ELAPOR1: variants seen among roughly 807,000 people sequenced by gnomAD.
ELAPOR1 encodes endosome/lysosome-associated apoptosis and autophagy regulator 1.
A neutral mutation model predicts 119.7 loss-of-function variants in ELAPOR1; 77 were observed. That is an observed-to-expected ratio of 0.64 (90% CI 0.54 to 0.78). ELAPOR1 has a LOEUF of 0.78. ELAPOR1 is among the 30% of genes least tolerant of loss of function. The pLI, the probability that ELAPOR1 is intolerant of heterozygous loss-of-function variation, is 0.00. For missense variants in ELAPOR1, 1,115 were observed against 1,270.4 expected (o/e 0.88, Z 1.86); for synonymous variants, 481 against 487.2 (o/e 0.99, Z 0.17).
At chr1:109,181,600 G>A (rs1197669298) in intron 7 of ELAPOR1, among the ~76,000 whole-genome samples, 1 of 152,192 alleles carries the variant, frequency 6.6e-6, no homozygotes, top group Non-Finnish European at 1.5e-5. Context: ...AGGTCTTGGT[G>A]TAGAATGCAT....
At chr1:109,163,584 T>C (rs770301072) in intron 2 of ELAPOR1, among the ~76,000 whole-genome samples, 9 of 151,436 alleles carry the variant, frequency 5.9e-5, no homozygotes, top group Non-Finnish European at 1.2e-4. Flanking sequence ...TTTTTGGTAG[T>C]GACAGGGTCT....
intron 8 of ELAPOR1, chr1:109,187,399 C>T: frequency 1.0e-6 from 1 of 986,410 alleles, no homozygotes; most frequent in South Asian, 4.7e-5. Flanking sequence ...GTCTGTGTCC[C>T]TCCTTAAGGA....
At chr1:109,163,095 G>A (rs1651362644) in intron 2 of ELAPOR1, among the ~76,000 whole-genome samples, 2 of 152,254 alleles carry the variant, frequency 1.3e-5, no homozygotes, top group Admixed American at 6.5e-5. Context: ...GAGAAAGAAT[G>A]AGAGTTACGA....
At chr1:109,172,109 G>GGGAA in intron 4 of ELAPOR1, 96 bp downstream of exon 4, 1 of 1,430,354 alleles carries the variant, frequency 7.0e-7, no homozygotes, top group Middle Eastern at 1.8e-4. Context: ...CCCTGCTTGG[G>GGGAA]GGAATCACTG....
chr1:109,203,177 C>G lies in ELAPOR1; in HGVS notation c.*165C>G, dbSNP rs549099704. ...TCTTTTTTTATAGAGTACCCAAACC[C>G]TCCTTTCTGCTTGCCTCAAACCTGC... On this transcript the variant is annotated 3_prime_UTR_variant, in exon 22 of 22. Coordinates refer to ENST00000369939, the MANE Select transcript of ELAPOR1 (RefSeq NM_020775.5). 215 of 568,102 alleles carry G rather than the reference C, an allele frequency of 3.8e-4. No homozygotes were observed. The highest frequency in any genetic ancestry group is 6.0e-4 in the Non-Finnish European group (192 of 319,178). 35.2% of individuals were successfully genotyped at this position (568,102 alleles called of 1,614,324 possible). A position where few individuals can be genotyped will look rare whatever the true frequency, so the allele number is the denominator to read the frequency against.
At position 109,171,962 on chromosome 1, in the gene ELAPOR1, C is replaced by T. The variant is rs201708708; in HGVS notation, c.564C>T (p.Thr188=). 55 of 1,614,032 alleles carry T rather than the reference C, an allele frequency of 3.4e-5. No homozygotes were observed. Among genetic ancestry groups the T allele is most frequent in the Non-Finnish European group, 4.0e-5 (47 of 1,180,036 alleles). Residue 188 remains threonine (T), a synonymous_variant, in exon 4 of 22, where the codon ACC becomes ACT. Transcript: ENST00000369939. ...CCGTCAACCTGAAGCAATCTGGCAC[C>T]GTTAACTTCGAATACTACTATCCAG... The part of the protein sequence containing the change: ...MYAVNLKQSG[T]VNFEYYYPDS...
At chr1:109,158,531 G>A (rs1236931558) in intron 1 of ELAPOR1, among the ~76,000 whole-genome samples, 1 of 152,070 alleles carries the variant, frequency 6.6e-6, no homozygotes, top group African/African-American at 2.4e-5. Context: ...ACGGAAGGAT[G>A]CGCTAACTAC....
intron 1 of ELAPOR1, among the ~76,000 whole-genome samples, chr1:109,145,435 C>A (rs1650115065): frequency 6.6e-6 from 1 of 152,204 alleles, no homozygotes; most frequent in Non-Finnish European, 1.5e-5. Context: ...ATGGGCCTAT[C>A]ACCTGAGATC....
Position 109,172,565 on chromosome 1 carries a change from C to A in ELAPOR1, c.693C>A (p.His231Gln), listed in dbSNP as rs1434103879. The A allele has an allele frequency of 1.2e-6, 2 of 1,611,684 alleles. No homozygotes were observed. Among genetic ancestry groups the A allele is most frequent in the Non-Finnish European group, 1.7e-6 (2 of 1,177,868 alleles). Residue 231 changes from histidine (H) to glutamine (Q), a missense_variant, in exon 5 of 22, where the codon CAC becomes CAA. Coordinates refer to ENST00000369939, the MANE Select transcript of ELAPOR1 (RefSeq NM_020775.5). ...CCACAGAGAAAGGATGGGAATTCCA[C>A]AGTGTGAGTATCACACCAGCCTTCT... ...MKTTEKGWEF[H>Q]SVELNRGNNV...
chr1:109,191,960 T>C (rs2101115069), intron 13 of ELAPOR1, 97 bp downstream of exon 13: 1 of 1,461,940 alleles, frequency 6.8e-7, no homozygotes, highest in Non-Finnish European at 9.4e-7. Context: ...GTTCAGAATC[T>C]GAGGGTTAGA....
At position 109,188,640 on chromosome 1, in the gene ELAPOR1, A is replaced by AT. The variant is rs112259657; in HGVS notation, c.1219+287dup. On this transcript the variant is annotated intron_variant, in intron 9 of 21. Coordinates refer to ENST00000369939, the MANE Select transcript of ELAPOR1 (RefSeq NM_020775.5). The stretch of plus-strand genomic sequence containing the variant: ...ATCCTCAAAGCAGGGCTTCCAGCAT[A>AT]TGGCAGAGATGCTGACTAGGCTTAC... Among the ~76,000 whole-genome samples the AT allele has an allele frequency of 7.7e-3, 1,171 of 152,304 alleles. 8 individuals carry two copies. Among genetic ancestry groups the AT allele is most frequent in the South Asian group, 0.035 (169 of 4,824 alleles).
In ELAPOR1 at chr1:109,197,361, T is replaced by C; in HGVS notation, c.2122-113T>C. 1.1e-5 allele frequency: 9 copies of C among 843,038 alleles called. No homozygotes were observed. In the Middle Eastern group the frequency reaches 9.9e-4, roughly 93 times the overall value. The allele number at this position is 843,038 out of a possible 1,614,324, so 52.2% of individuals were successfully genotyped here. ...TGGGATGAATCATTCCCCTACAACA[T>C]ACCATTGAAACGCTGAAAATTTAGA... On this transcript the variant is annotated intron_variant, in intron 15 of 21. Coordinates refer to ENST00000369939, the MANE Select transcript of ELAPOR1 (RefSeq NM_020775.5).
intron 1 of ELAPOR1, among the ~76,000 whole-genome samples, chr1:109,131,261 A>C (rs927961095): frequency 1.3e-5 from 2 of 152,052 alleles, no homozygotes; most frequent in African/African-American, 2.4e-5. Flanking sequence ...AGGTAATCAG[A>C]GAGAGAGCAA....
intron 1 of ELAPOR1, among the ~76,000 whole-genome samples, chr1:109,133,967 A>C (rs534984717): frequency 1.3e-5 from 2 of 152,136 alleles, no homozygotes; most frequent in Non-Finnish European, 2.9e-5. Flanking sequence ...GTGAGGTGCT[A>C]ATGTGGACTC....
chr1:109,165,986 G>A (rs1651576433), intron 3 of ELAPOR1, among the ~76,000 whole-genome samples: 3 of 151,536 alleles, frequency 2.0e-5, no homozygotes, highest in South Asian at 2.1e-4. Context: ...TGCCCTCTCC[G>A]CTCACTGCAA....
intron 1 of ELAPOR1, among the ~76,000 whole-genome samples, chr1:109,132,238 C>T (rs1212432663): frequency 2.5e-4 from 38 of 152,054 alleles, no homozygotes; most frequent in Admixed American, 2.5e-3. Flanking sequence ...ACCTCCGCCT[C>T]CTGGGCTCAA....
chr1:109,156,234 C>T (rs2101029207), intron 1 of ELAPOR1, among the ~76,000 whole-genome samples: 1 of 151,922 alleles, frequency 6.6e-6, no homozygotes, highest in East Asian at 1.9e-4. Context: ...AGACTTTTAC[C>T]TTCTAGAGTA....
chr1:109,144,061 A>ATATATATATATATATTTTTTTTTTTTTTT, intron 1 of ELAPOR1, among the ~76,000 whole-genome samples: 1 of 89,016 alleles, frequency 1.1e-5, no homozygotes, highest in African/African-American at 4.8e-5. Flanking sequence ...ATATTTATAT[A>ATATATATATATATATTTTTTTTTTTTTTT]TTTTTTTTTT....
intron 1 of ELAPOR1, among the ~76,000 whole-genome samples, chr1:109,116,229 G>T (rs1303950686): frequency 6.6e-6 from 1 of 152,204 alleles, no homozygotes; most frequent in Non-Finnish European, 1.5e-5. Flanking sequence ...GTAAGCTTAA[G>T]GTAGTGGAAA....
Sources: allele counts gnomAD v4.1 joint callset (sites outside exome capture counted in the v4.1 genomes callset), GRCh38; gene constraint gnomAD v4.1.1; transcripts MANE v1.5; gene names NCBI Gene and HGNC (gene_info 2026-07-23, HGNC 2026-07-21).